Variants in IL1RAPL2 observed in about 807,000 individuals in gnomAD.
IL1RAPL2 encodes the protein interleukin 1 receptor accessory protein like 2, also known as X-linked interleukin-1 receptor accessory protein-like 2.
A neutral mutation model predicts 44.1 loss-of-function variants in IL1RAPL2; 3 were observed. The observed-to-expected ratio is 0.07, with a 90% CI of 0.03 to 0.18. The LOEUF (loss-of-function observed/expected upper bound fraction) is 0.18, where lower values mean the gene tolerates loss of function less well. Among genes scored for constraint, IL1RAPL2 ranks in the 10% least tolerant of loss-of-function variants. The pLI, the probability that IL1RAPL2 is intolerant of heterozygous loss-of-function variation, is 1.00. For missense variants in IL1RAPL2, 391 were observed against 496.4 expected, an observed-to-expected ratio of 0.79 and a Z score of 2.02; for synonymous variants, 181 against 178.8, an observed-to-expected ratio of 1.01 and a Z score of -0.10.
chrX:105,144,731 C>A (rs1183514698), intron 2 of IL1RAPL2, among the ~76,000 whole-genome samples: 1 of 111,720 alleles, frequency 9.0e-6, no homozygotes, highest in Non-Finnish European at 1.9e-5. Context: ...TCCCCAAGTC[C>A]TGCCTCCCAT....
At chrX:105,005,933 A>G (rs1216277332) in intron 2 of IL1RAPL2, among the ~76,000 whole-genome samples, 2 of 110,906 alleles carry the variant, frequency 1.8e-5, no homozygotes, top group African/African-American at 6.5e-5. Context: ...CTCCAAAAGT[A>G]ATAATTTCTG....
chrX:105,110,522 C>G (rs1158763526), intron 2 of IL1RAPL2, among the ~76,000 whole-genome samples: 1 of 112,342 alleles, frequency 8.9e-6, no homozygotes, highest in Non-Finnish European at 1.9e-5. Flanking sequence ...GTGTGCAAGA[C>G]ATTACTGGCT....
At chrX:105,336,133 A>G (rs1482861710) in intron 5 of IL1RAPL2, among the ~76,000 whole-genome samples, 2 of 112,367 alleles carry the variant, frequency 1.8e-5, no homozygotes, top group Non-Finnish European at 3.8e-5. Flanking sequence ...CACATTTTCT[A>G]CTTTAAAAAT....
chrX:105,014,930 A>T (rs1338849821), intron 2 of IL1RAPL2, among the ~76,000 whole-genome samples: 1 of 112,227 alleles, frequency 8.9e-6, no homozygotes, highest in Non-Finnish European at 1.9e-5. Context: ...CACTCCCACC[A>T]GTAGTGTAAA....
chrX:105,690,129 G>A (rs2038022927), intron 6 of IL1RAPL2, among the ~76,000 whole-genome samples: 1 of 110,459 alleles, frequency 9.1e-6, no homozygotes, highest in South Asian at 3.9e-4. Context: ...ATGATGAGTC[G>A]ATAGGTGCAG....
chrX:104,937,580 C>G (rs1037430315), intron 2 of IL1RAPL2, among the ~76,000 whole-genome samples: 2 of 112,452 alleles, frequency 1.8e-5, no homozygotes, highest in Non-Finnish European at 3.8e-5. Flanking sequence ...ATTGCAGTAT[C>G]TGACTAGGCA....
chrX:105,544,018 T>A (rs2036767433), intron 6 of IL1RAPL2, among the ~76,000 whole-genome samples: 1 of 111,878 alleles, frequency 8.9e-6, no homozygotes. Flanking sequence ...AAATTGCCAT[T>A]TTGAAAATGT....
chrX:105,318,301 G>A (rs971752653), intron 5 of IL1RAPL2, among the ~76,000 whole-genome samples: 1 of 111,728 alleles, frequency 9.0e-6, no homozygotes, highest in Non-Finnish European at 1.9e-5. Flanking sequence ...ATTACTGTGT[G>A]CTGAGAACAC....
chrX:105,076,778 A>G (rs753802890), intron 2 of IL1RAPL2, among the ~76,000 whole-genome samples: 1 of 111,344 alleles, frequency 9.0e-6, no homozygotes, highest in Admixed American at 9.5e-5. Flanking sequence ...TGTTGAATTG[A>G]TCCCTTTACC....
intron 1 of IL1RAPL2, among the ~76,000 whole-genome samples, chrX:104,655,686 T>A (rs748708459): frequency 2.7e-4 from 30 of 111,954 alleles, no homozygotes; most frequent in Non-Finnish European, 5.3e-4. Flanking sequence ...GCTGGCCTCA[T>A]AAAATGAGTT....
At chrX:105,550,356 A>C (rs1004378432) in intron 6 of IL1RAPL2, among the ~76,000 whole-genome samples, 6 of 111,982 alleles carry the variant, frequency 5.4e-5, no homozygotes, top group Admixed American at 2.8e-4. Context: ...GAGCTCAATA[A>C]ATTTTTTTAA....
intron 5 of IL1RAPL2, among the ~76,000 whole-genome samples, chrX:105,409,880 T>TGG (rs66840352): frequency 5.9e-4 from 60 of 101,976 alleles, no homozygotes; most frequent in African/African-American, 2.1e-3. Flanking sequence ...AGATAGAGTG[T>TGG]GGGGGGGGGG....
intron 5 of IL1RAPL2, among the ~76,000 whole-genome samples, chrX:105,439,144 C>T (rs2035901499): frequency 1.8e-5 from 2 of 111,420 alleles, no homozygotes; most frequent in African/African-American, 6.5e-5. Flanking sequence ...GTCAGTTAAA[C>T]CATTTTGTTT....
At chrX:105,328,295 G>T (rs775274713) in intron 5 of IL1RAPL2, among the ~76,000 whole-genome samples, 1 of 110,891 alleles carries the variant, frequency 9.0e-6, no homozygotes, top group East Asian at 2.8e-4. Flanking sequence ...AGTTTTTTTT[G>T]AAAGCCATGG....
intron 6 of IL1RAPL2, chrX:105,676,310 T>C (rs993493711): frequency 8.9e-6 from 1 of 111,950 alleles, no homozygotes; most frequent in Non-Finnish European, 1.9e-5. Flanking sequence ...TCATTCACAG[T>C]AGCTTCCATC....
chrX:105,354,874 G>A (rs1046376099), intron 5 of IL1RAPL2, among the ~76,000 whole-genome samples: 5 of 111,035 alleles, frequency 4.5e-5, no homozygotes, highest in South Asian at 3.8e-4. Flanking sequence ...ACCTGTCATC[G>A]TCTGTGGACT....
chrX:105,761,174 G>A (rs1207447321), intron 10 of IL1RAPL2, among the ~76,000 whole-genome samples: 3 of 83,755 alleles, frequency 3.6e-5, no homozygotes, highest in African/African-American at 9.0e-5. Flanking sequence ...GCGAGACTCC[G>A]TCTCAAAAAA....
chrX:105,084,306 C>G (rs918902410), intron 2 of IL1RAPL2, among the ~76,000 whole-genome samples: 2 of 112,797 alleles, frequency 1.8e-5, no homozygotes, highest in East Asian at 5.6e-4. Flanking sequence ...CCTGGAAAAG[C>G]TGCAGGCACT....
At chrX:105,472,035 A>G (rs776865481) in intron 5 of IL1RAPL2, among the ~76,000 whole-genome samples, 1 of 107,356 alleles carries the variant, frequency 9.3e-6, no homozygotes, top group African/African-American at 3.3e-5. Context: ...AGACTAGGGA[A>G]TAATGGGATG....
Sources: gnomAD v4.1 joint callset for allele counts (sites outside exome capture counted in the v4.1 genomes callset) on GRCh38, gnomAD v4.1.1 for gene constraint, MANE v1.5 for transcripts, NCBI Gene and HGNC (gene_info 2026-07-23, HGNC 2026-07-21) for gene names.